The following PHACTR4 variants were observed in gnomAD, a reference collection of about 807,000 sequenced individuals.
PHACTR4 encodes phosphatase and actin regulator 4.
PHACTR4 carries 51 observed loss-of-function variants against 72.7 expected under a neutral mutation model. The ratio of observed to expected loss-of-function variants is 0.70; its 90% CI spans 0.56 to 0.89. The LOEUF (loss-of-function observed/expected upper bound fraction) is 0.89, where lower values mean the gene tolerates loss of function less well. Among genes scored for constraint, PHACTR4 ranks in the 40% least tolerant of loss-of-function variants. The pLI is 0.00. For missense variants in PHACTR4, 731 were observed against 861.8 expected (o/e 0.85, Z 1.90); for synonymous variants, 255 against 302.5 (o/e 0.84, Z 1.63).
intron 2 of PHACTR4, among the ~76,000 whole-genome samples, chr1:28,441,387 A>AG (rs1275124218): frequency 6.6e-6 from 1 of 152,210 alleles, no homozygotes; most frequent in Non-Finnish European, 1.5e-5. Context: ...AGTTAAAAAA[A>AG]GGACCCACTC....
chr1:28,383,363 A>AT (rs575220118), intron 1 of PHACTR4, among the ~76,000 whole-genome samples: 6 of 151,460 alleles, frequency 4.0e-5, no homozygotes, highest in Non-Finnish European at 5.9e-5. Flanking sequence ...TTTTAAAATA[A>AT]TTTTTTTTTC....
chr1:28,396,845 CT>C (rs60578939), intron 1 of PHACTR4, among the ~76,000 whole-genome samples: 29,650 of 119,186 alleles, frequency 0.25, 2,733 homozygotes, highest in East Asian at 0.36. Flanking sequence ...TTCTTTCTTT[CT>C]TTTTTTTTTT....
chr1:28,417,247 A>T (rs1655162335), intron 2 of PHACTR4, among the ~76,000 whole-genome samples: 1 of 152,216 alleles, frequency 6.6e-6, no homozygotes, highest in African/African-American at 2.4e-5. Context: ...TATGGGGGAT[A>T]TACCAAGACC....
At chr1:28,376,519 A>G (rs1651688660) in intron 1 of PHACTR4, among the ~76,000 whole-genome samples, 1 of 150,588 alleles carries the variant, frequency 6.6e-6, no homozygotes, top group South Asian at 2.1e-4. Context: ...AGTAGAGACA[A>G]GGTCTCATTA....
At chr1:28,453,775 C>A in intron 2 of PHACTR4, 1 of 950,590 alleles carries the variant, frequency 1.1e-6, no homozygotes, top group Non-Finnish European at 1.7e-6. Flanking sequence ...GAGGTTTCAG[C>A]AGTTATCCAC....
At chr1:28,457,561 C>T (rs1048712512) in intron 2 of PHACTR4, among the ~76,000 whole-genome samples, 31 of 152,044 alleles carry the variant, frequency 2.0e-4, no homozygotes, top group Admixed American at 2.0e-3. Context: ...TGTGATTACA[C>T]TACTGCACTT....
rs1364689434 is a variant in PHACTR4, at chr1:28,391,646, G to T, written c.-38-15764G>T. On this transcript the variant is annotated intron_variant, in intron 1 of 13. Transcript: ENST00000373839. ...TTGAGACAGAGTTTCACTCTTTTTG[G>T]CCAGGGTGGAGTGCAATGGCATGAT... 6.2e-4 allele frequency among the ~76,000 whole-genome samples: 85 copies of T among 137,268 alleles called. 1 individual carries two copies. The highest frequency in any genetic ancestry group is 2.2e-3 in the African/African-American group (80 of 36,608). 90.1% of individuals were successfully genotyped at this position (137,268 alleles called of 152,430 possible). A position where few individuals can be genotyped will look rare whatever the true frequency, so the allele number is the denominator to read the frequency against.
At chr1:28,465,520 G>A (rs914366608) in intron 4 of PHACTR4, among the ~76,000 whole-genome samples, 165 bp from the exon 5 acceptor site, 2 of 152,120 alleles carry the variant, frequency 1.3e-5, no homozygotes, top group African/African-American at 2.4e-5. Context: ...GGAGACCAAG[G>A]CGGGCTGATT....
At chr1:28,376,921 G>A (rs746243308) in intron 1 of PHACTR4, among the ~76,000 whole-genome samples, 22 of 152,032 alleles carry the variant, frequency 1.4e-4, no homozygotes, top group Non-Finnish European at 2.2e-4. Context: ...ACAGGCGTGA[G>A]CCAGCGCGCC....
At chr1:28,371,262 G>A (rs1002158103) in intron 1 of PHACTR4, among the ~76,000 whole-genome samples, 1 of 152,124 alleles carries the variant, frequency 6.6e-6, no homozygotes, top group African/African-American at 2.4e-5. Context: ...AGAGGCATGA[G>A]CCACTGTGCC....
chr1:28,468,462 G>T (rs1659353684), intron 6 of PHACTR4, among the ~76,000 whole-genome samples: 1 of 152,042 alleles, frequency 6.6e-6, no homozygotes, highest in African/African-American at 2.4e-5. Flanking sequence ...CATGGTGGTA[G>T]GCACCTGTAA....
chr1:28,399,795 A>T (rs1374378216), intron 1 of PHACTR4, among the ~76,000 whole-genome samples: 1 of 152,210 alleles, frequency 6.6e-6, no homozygotes, highest in Non-Finnish European at 1.5e-5. Context: ...AACAGGGTAA[A>T]TGGATAGAAT....
intron 2 of PHACTR4, among the ~76,000 whole-genome samples, chr1:28,423,770 C>T (rs1655659671): frequency 6.6e-6 from 1 of 152,110 alleles, no homozygotes; most frequent in Non-Finnish European, 1.5e-5. Context: ...TGCTCATAGA[C>T]TTGTAAGAAT....
At chr1:28,372,075 G>A (rs1195946970) in intron 1 of PHACTR4, among the ~76,000 whole-genome samples, 2 of 150,274 alleles carry the variant, frequency 1.3e-5, no homozygotes, top group East Asian at 2.0e-4. Flanking sequence ...AGTAGAGATG[G>A]TGTTTCACCG....
intron 1 of PHACTR4, among the ~76,000 whole-genome samples, chr1:28,374,873 T>A (rs1037293105): frequency 1.3e-5 from 2 of 152,226 alleles, no homozygotes; most frequent in African/African-American, 4.8e-5. Context: ...GAGCTTTAGT[T>A]TTCTTGTCTT....
At chr1:28,482,224 T>G (rs1475224453) in intron 9 of PHACTR4, among the ~76,000 whole-genome samples, 1 of 152,120 alleles carries the variant, frequency 6.6e-6, no homozygotes, top group Non-Finnish European at 1.5e-5. Flanking sequence ...AACCATGAGA[T>G]AGACATATGG....
intron 2 of PHACTR4, among the ~76,000 whole-genome samples, chr1:28,414,624 C>T (rs1322045475): frequency 2.0e-5 from 3 of 151,780 alleles, no homozygotes; most frequent in Admixed American, 6.6e-5. Flanking sequence ...GTGATTCTCC[C>T]ACCTCGGCCT....
chr1:28,479,077 C>T (rs568537848), intron 8 of PHACTR4, among the ~76,000 whole-genome samples: 6 of 152,026 alleles, frequency 3.9e-5, no homozygotes, highest in Admixed American at 3.3e-4. Context: ...GAGCTTGAGA[C>T]CAGCCTGGCC....
rs1188704308 is a variant in PHACTR4 at position 28,450,974 on chromosome 1, C to CT, written c.17-8091dup. On this transcript the variant is annotated intron_variant, in intron 2 of 13. Coordinates refer to ENST00000373839, the MANE Select transcript of PHACTR4 (RefSeq NM_001048183.3). ...TACAGGCATGTACCACCACACCCAG[C>CT]TTTTTTTTTTTTTTTTTTTTGTATT... 5.3e-3 allele frequency among the ~76,000 whole-genome samples: 381 copies of CT among 72,036 alleles called. 14 individuals are homozygous for CT. The highest frequency in any genetic ancestry group is 0.01 in the East Asian group (39 of 3,812). The allele number at this position is 72,036 out of a possible 152,430, so 47.3% of individuals were successfully genotyped here. A position where few individuals can be genotyped will look rare whatever the true frequency, so the allele number is the denominator to read the frequency against.
Sources: gnomAD v4.1 joint callset for allele counts (sites outside exome capture counted in the v4.1 genomes callset) on GRCh38, gnomAD v4.1.1 for gene constraint, MANE v1.5 for transcripts, NCBI Gene and HGNC (gene_info 2026-07-23, HGNC 2026-07-21) for gene names.